MYH15: variants seen among roughly 807,000 people sequenced by gnomAD.
MYH15 encodes myosin-15.
Under a neutral mutation model 240.5 loss-of-function variants are expected in MYH15, and 227 were observed. The ratio of observed to expected loss-of-function variants is 0.94; its 90% confidence interval spans 0.85 to 1.05. The LOEUF is 1.05. MYH15 is among the 50% of genes least tolerant of loss of function. The pLI is 0.00. For missense variants in MYH15, 2,217 were observed against 2,247.5 expected (o/e 0.99, Z 0.27); for synonymous variants, 785 against 796.7 (o/e 0.99, Z 0.25).
chr3:108,420,910 G>C (rs1024069152), intron 28 of MYH15, among the ~76,000 whole-genome samples, 178 bp downstream of exon 28: 4 of 152,020 alleles, frequency 2.6e-5, no homozygotes, highest in African/African-American at 9.7e-5. Flanking sequence ...TGGCACAGAG[G>C]TAACACTTCC....
At chr3:108,393,346 T>TC (rs2082435044) in intron 36 of MYH15, among the ~76,000 whole-genome samples, 1 of 151,892 alleles carries the variant, frequency 6.6e-6, no homozygotes, top group South Asian at 2.1e-4. Flanking sequence ...CACACAAACC[T>TC]CCCCCTCCAC....
chr3:108,529,293 C>A, exon 1 of MYH15: 4 of 1,584,026 alleles, frequency 2.5e-6, no homozygotes, highest in Non-Finnish European at 3.5e-6. Context: ...GAGGTAAATA[C>A]AATTAAAATG....
chr3:108,411,689 T>G (rs1409805687), intron 30 of MYH15, among the ~76,000 whole-genome samples: 3 of 152,068 alleles, frequency 2.0e-5, no homozygotes, highest in Non-Finnish European at 4.4e-5. Flanking sequence ...GCAGGGTTGC[T>G]GGCAGTCCCA....
At chr3:108,414,703 T>A (rs1404624703) in intron 29 of MYH15, among the ~76,000 whole-genome samples, 2 of 152,184 alleles carry the variant, frequency 1.3e-5, no homozygotes, top group Non-Finnish European at 2.9e-5. Flanking sequence ...ATTCTAGAAA[T>A]AGTGGAGAAT....
chr3:108,437,776 A>G, intron 24 of MYH15, 77 bp from the exon 25 acceptor site: 1 of 1,354,356 alleles, frequency 7.4e-7, no homozygotes, highest in Non-Finnish European at 9.5e-7. Flanking sequence ...TTAACCACTT[A>G]CCTTCTGGAA....
rs532808122 is a variant in MYH15 at position 108,518,760 on chromosome 3, T to C, written c.-57-8173A>G. 6.6e-5 allele frequency among the ~76,000 whole-genome samples: 10 copies of C among 152,326 alleles called. No individual in the cohort carries two copies. In the South Asian group the frequency reaches 1.9e-3, roughly 28 times the overall value. ...CATCTGGCTAATTCTTAATCATCCT[T>C]TGGGTCTTCAGTAAGCAACATTTCT... On this transcript the variant is annotated intron_variant, in intron 1 of 41. Transcript: ENST00000273353.
rs76832287 is a variant in MYH15, at chr3:108,470,069, C to A, written c.1527G>T (p.Leu509Phe). 1.2e-6 allele frequency: 2 copies of A among 1,605,146 alleles called. No individual in the cohort carries two copies. Among genetic ancestry groups the A allele is most frequent in the Admixed American group, 3.5e-5 (2 of 57,758 alleles). ...TCTCAATGAGATCTATGCAAGCTTG[C>A]AAATCCAGACCAAAGCCAATAGACA... ...EWVSIGFGLD[L>F]QACIDLIEKP... Residue 509 changes from leucine (L) to phenylalanine (F), a missense_variant, in exon 14 of 41, where the codon TTG (leucine) becomes TTT (phenylalanine). Leu to Phe is a conservative substitution (Grantham distance 22). Coordinates refer to ENST00000693548, the MANE Select transcript of MYH15 (RefSeq NM_014981.3).
chr3:108,514,641 G>T (rs960902470), upstream of MYH15, among the ~76,000 whole-genome samples: 13 of 152,094 alleles, frequency 8.5e-5, no homozygotes, highest in East Asian at 1.9e-3. Flanking sequence ...GGGGTGGGGG[G>T]GTGGAGCTGG....
chr3:108,426,932 G>C (rs2082729306), intron 27 of MYH15, among the ~76,000 whole-genome samples: 1 of 152,244 alleles, frequency 6.6e-6, no homozygotes, highest in African/African-American at 2.4e-5. Context: ...GTTGTTTGCT[G>C]TGTTTTCTGT....
chr3:108,547,925 T>A, the MYH15 span, among the ~76,000 whole-genome samples: 4 of 152,022 alleles, frequency 2.6e-5, no homozygotes, highest in African/African-American at 9.7e-5. Flanking sequence ...AAAACAGGAG[T>A]GTTACACTGA....
intron 35 of MYH15, among the ~76,000 whole-genome samples, chr3:108,397,583 G>C (rs2082471598): frequency 1.3e-5 from 2 of 152,148 alleles, no homozygotes; most frequent in African/African-American, 4.8e-5. Context: ...GGTTATGGTG[G>C]GGGTGCCCTA....
chr3:108,383,702 T>C lies in MYH15; in HGVS notation c.5659A>G (p.Lys1887Glu). The C allele has an allele frequency of 6.2e-7, 1 of 1,603,950 alleles. No individual in the cohort carries two copies. Among genetic ancestry groups the C allele is most frequent in the Non-Finnish European group, 8.5e-7 (1 of 1,175,678 alleles). ...AACTCATGTTGCTGTTTCTTATACT[T>C]GGAAAGGTATTGATTGGCTTGTGTT... ...AETQANQYLS[K>E]YKKQQHELNE... The change falls in exon 40 of 41, where the codon AAG becomes GAG. Residue 1887 changes from lysine to glutamate, a missense_variant. Lys to Glu is a moderately conservative substitution (Grantham distance 56). Transcript: ENST00000693548.
chr3:108,458,640 A>C (rs1400190900), intron 18 of MYH15, among the ~76,000 whole-genome samples: 1 of 152,102 alleles, frequency 6.6e-6, no homozygotes, highest in African/African-American at 2.4e-5. Flanking sequence ...ACCAAGCTCC[A>C]GAGGGGCCAG....
chr3:108,410,547 C>T (rs761041956), intron 31 of MYH15, 36 bp downstream of exon 31: 55 of 1,468,102 alleles, frequency 3.7e-5, no homozygotes, highest in South Asian at 7.0e-5. Flanking sequence ...CTGAGCTACC[C>T]GCTCTGGCTT....
At chr3:108,388,039 T>C (rs1021632183) in intron 38 of MYH15, among the ~76,000 whole-genome samples, 1 of 152,172 alleles carries the variant, frequency 6.6e-6, no homozygotes, top group African/African-American at 2.4e-5. Flanking sequence ...AAAATAAATT[T>C]GCCTTTGTAT....
chr3:108,519,591 T>C (rs912967470), intron 1 of MYH15, among the ~76,000 whole-genome samples: 5 of 152,298 alleles, frequency 3.3e-5, no homozygotes, highest in Admixed American at 3.3e-4. Context: ...TGAAGGAAAC[T>C]AAGATCGAGG....
intron 11 of MYH15, among the ~76,000 whole-genome samples, chr3:108,484,308 AAGAGT>A (rs1294320548): frequency 2.0e-5 from 3 of 152,156 alleles, no homozygotes; most frequent in Non-Finnish European, 4.4e-5. Context: ...GTAAGCAGAT[AAGAGT>A]ATAGATTTTT....
chr3:108,446,880 A>C (rs1390187586), intron 21 of MYH15, among the ~76,000 whole-genome samples: 3 of 152,200 alleles, frequency 2.0e-5, no homozygotes, highest in Admixed American at 6.5e-5. Flanking sequence ...AAATCCCTAA[A>C]AATCCAACCT....
the MYH15 span, among the ~76,000 whole-genome samples, chr3:108,540,711 GA>G: frequency 6.6e-6 from 1 of 152,024 alleles, no homozygotes; most frequent in Non-Finnish European, 1.5e-5. Flanking sequence ...TGCTTAATGG[GA>G]AAACACTAAA....
Sources: allele counts gnomAD v4.1 joint callset (sites outside exome capture counted in the v4.1 genomes callset), GRCh38; gene constraint gnomAD v4.1.1; transcripts MANE v1.5; gene names NCBI Gene and HGNC (gene_info 2026-07-23, HGNC 2026-07-21).